The following ROBO2 variants were observed in gnomAD, a reference collection of about 807,000 sequenced individuals.
ROBO2 encodes the protein roundabout homolog 2.
Under a neutral mutation model 160.8 loss-of-function variants are expected in ROBO2, and 53 were observed. The ratio of observed to expected loss-of-function variants is 0.33; its 90% CI spans 0.26 to 0.41. The LOEUF is 0.41. Among genes scored for constraint, ROBO2 ranks in the 10% least tolerant of loss-of-function variants. The probability of loss-of-function intolerance (pLI) is 1.00; values close to 1 mark genes in which losing one functional copy is unlikely to be tolerated. For missense variants in ROBO2, 1,577 were observed against 1,722.4 expected, an observed-to-expected ratio of 0.92 and a Z score of 1.49; for synonymous variants, 664 against 611.7, an observed-to-expected ratio of 1.09 and a Z score of -1.26.
chr3:77,649,193 G>C (rs1452204716), exon 26 of ROBO2: 2 of 152,124 alleles, frequency 1.3e-5, no homozygotes, highest in Admixed American at 1.3e-4. Context: ...AACATATAAG[G>C]TATCACACAA....
chr3:75,959,433 G>T, intron 2 of ROBO2, among the ~76,000 whole-genome samples: 1 of 151,688 alleles, frequency 6.6e-6, no homozygotes, highest in East Asian at 2.0e-4. Context: ...GGGTTGAGCA[G>T]GTTTTCCTAG....
At chr3:76,447,705 T>C (rs908093643) in intron 2 of ROBO2, among the ~76,000 whole-genome samples, 1 of 151,494 alleles carries the variant, frequency 6.6e-6, no homozygotes, top group Non-Finnish European at 1.5e-5. Context: ...TGGAATACTA[T>C]GCAGCCGTAT....
chr3:76,651,330 T>C (rs908316224), intron 2 of ROBO2, among the ~76,000 whole-genome samples: 1 of 152,134 alleles, frequency 6.6e-6, no homozygotes, highest in Non-Finnish European at 1.5e-5. Flanking sequence ...CCAACCATTG[T>C]TGTCCCTGTG....
intron 2 of ROBO2, among the ~76,000 whole-genome samples, chr3:76,853,997 G>T (rs2069709100): frequency 7.8e-6 from 1 of 128,896 alleles, no homozygotes; most frequent in Non-Finnish European, 1.6e-5. Context: ...ATAGATAAAT[G>T]GACAGCCAAA....
intron 2 of ROBO2, among the ~76,000 whole-genome samples, chr3:76,441,683 C>T (rs935419569): frequency 1.6e-4 from 25 of 152,058 alleles, no homozygotes; most frequent in African/African-American, 5.1e-4. Flanking sequence ...CAAGGGAGTC[C>T]ATTTGTATTG....
chr3:76,707,101 T>A (rs1379028325), intron 2 of ROBO2, among the ~76,000 whole-genome samples: 1 of 152,082 alleles, frequency 6.6e-6, no homozygotes, highest in African/African-American at 2.4e-5. Context: ...TGTATGTATA[T>A]GTATACATAG....
At chr3:77,230,614 A>G (rs1010482975) in intron 2 of ROBO2, among the ~76,000 whole-genome samples, 1 of 152,194 alleles carries the variant, frequency 6.6e-6, no homozygotes, top group African/African-American at 2.4e-5. Flanking sequence ...TTACTTTTCT[A>G]TTAGAATCAT....
chr3:77,342,670 C>A (rs1482793349), intron 2 of ROBO2, among the ~76,000 whole-genome samples: 1 of 152,134 alleles, frequency 6.6e-6, no homozygotes, highest in Non-Finnish European at 1.5e-5. Context: ...ACATTTCTCC[C>A]TGGCTTTTCA....
chr3:76,013,353 G>T (rs535957253), intron 2 of ROBO2, among the ~76,000 whole-genome samples: 1 of 142,224 alleles, frequency 7.0e-6, no homozygotes, highest in Non-Finnish European at 1.5e-5. Context: ...TGGTGTATGC[G>T]TGTAATCCCA....
intron 2 of ROBO2, among the ~76,000 whole-genome samples, chr3:76,287,795 A>G (rs1708585305): frequency 6.6e-6 from 1 of 152,212 alleles, no homozygotes; most frequent in Admixed American, 6.5e-5. Context: ...TTGCTGTGAG[A>G]AATAAAGTAA....
chr3:76,952,722 A>T (rs1193643470), intron 2 of ROBO2, among the ~76,000 whole-genome samples: 1 of 151,898 alleles, frequency 6.6e-6, no homozygotes, highest in African/African-American at 2.4e-5. Context: ...AAATATTCAG[A>T]AGTTATATTT....
intron 2 of ROBO2, among the ~76,000 whole-genome samples, chr3:76,635,800 C>T (rs532928570): frequency 6.6e-6 from 1 of 152,358 alleles, no homozygotes; most frequent in East Asian, 1.9e-4. Context: ...TAGAATTTAA[C>T]AGAATTGTTT....
intron 2 of ROBO2, among the ~76,000 whole-genome samples, chr3:76,644,336 T>C (rs2090857866): frequency 1.3e-5 from 2 of 152,034 alleles, no homozygotes; most frequent in African/African-American, 4.8e-5. Context: ...AAAAAGCCTA[T>C]AAACAAACAA....
intron 1 of ROBO2, among the ~76,000 whole-genome samples, chr3:77,049,054 C>T (rs139216670): frequency 8.3e-4 from 127 of 152,226 alleles, no homozygotes; most frequent in African/African-American, 2.9e-3. Flanking sequence ...CTGGGCTCGG[C>T]GCAGTGGCTC....
intron 2 of ROBO2, among the ~76,000 whole-genome samples, chr3:77,141,929 G>A (rs1310552980): frequency 2.0e-5 from 3 of 152,168 alleles, no homozygotes; most frequent in Non-Finnish European, 2.9e-5. Context: ...TGCATAAACT[G>A]GCAAATTATT....
At position 77,164,898 on chromosome 3, in the gene ROBO2, C is replaced by A. The variant is rs1294215794; in HGVS notation, c.388+66558C>A. Among the ~76,000 whole-genome samples the A allele has an allele frequency of 7.8e-3, 777 of 99,556 alleles. 55 individuals are homozygous for A. The highest frequency in any genetic ancestry group is 0.025 in the African/African-American group (707 of 28,426). 65.3% of individuals were successfully genotyped at this position (99,556 alleles called of 152,430 possible). On this transcript the variant is annotated intron_variant, in intron 2 of 25. Coordinates refer to ENST00000461745, the Ensembl canonical transcript of ROBO2. ...TCCGGGAGGGAGGTGGGGGGGTCAG[C>A]CCCCCGCCCGGCCAGCCGCCCCGTC...
At chr3:76,155,962 T>C (rs1022785354) in intron 2 of ROBO2, among the ~76,000 whole-genome samples, 5 of 152,158 alleles carry the variant, frequency 3.3e-5, no homozygotes, top group Non-Finnish European at 5.9e-5. Context: ...TAGTCGGTTA[T>C]ATATATTTTT....
chr3:77,405,804 G>A (rs1382042924), intron 2 of ROBO2, among the ~76,000 whole-genome samples: 1 of 152,102 alleles, frequency 6.6e-6, no homozygotes, highest in Admixed American at 6.6e-5. Context: ...GCAGAGGTGA[G>A]CAAAAAGGTC....
chr3:76,049,101 AG>A (rs1488586202), intron 2 of ROBO2, among the ~76,000 whole-genome samples: 1 of 152,146 alleles, frequency 6.6e-6, no homozygotes, highest in African/African-American at 2.4e-5. Context: ...TCTCAGGATG[AG>A]GGACCCTAAG....
Sources: gnomAD v4.1 joint callset for allele counts (sites outside exome capture counted in the v4.1 genomes callset) on GRCh38, gnomAD v4.1.1 for gene constraint, MANE v1.5 for transcripts, NCBI Gene and HGNC (gene_info 2026-07-23, HGNC 2026-07-21) for gene names.